DGKB: variants seen among roughly 807,000 people sequenced by gnomAD.
The protein encoded by DGKB is diacylglycerol kinase beta.
Under a neutral mutation model 114.3 loss-of-function variants are expected in DGKB, and 67 were observed. The observed-to-expected ratio is 0.59, with a 90% CI of 0.48 to 0.72. The LOEUF is 0.72. Ranked by LOEUF, DGKB falls within the 30% of genes least tolerant of loss-of-function variation. The pLI is 0.00. For synonymous variants in DGKB, 398 were observed against 323.1 expected, an observed-to-expected ratio of 1.23 and a Z score of -2.49; for missense variants, 907 against 975.2, an observed-to-expected ratio of 0.93 and a Z score of 0.93.
chr7:14,427,575 A>C (rs1170733911), intron 21 of DGKB, among the ~76,000 whole-genome samples: 2 of 152,224 alleles, frequency 1.3e-5, no homozygotes, highest in East Asian at 3.9e-4. Flanking sequence ...CATATCTGAG[A>C]CAGGGTGATT....
At chr7:14,867,444 T>A (rs534245682) in intron 1 of DGKB, among the ~76,000 whole-genome samples, 1 of 151,704 alleles carries the variant, frequency 6.6e-6, no homozygotes, top group East Asian at 2.0e-4. Context: ...TTTTTTTTTT[T>A]AAATGTGGAT....
chr7:14,335,968 T>A (rs1016057828), intron 23 of DGKB, among the ~76,000 whole-genome samples: 3 of 152,274 alleles, frequency 2.0e-5, no homozygotes, highest in Non-Finnish European at 1.5e-5. Context: ...GGGCTTGAAC[T>A]CCCTGCTTCA....
chr7:14,242,156 G>C (rs1190240006), intron 23 of DGKB, among the ~76,000 whole-genome samples: 1 of 152,128 alleles, frequency 6.6e-6, no homozygotes, highest in Non-Finnish European at 1.5e-5. Context: ...TCCCTGACCT[G>C]CCTACAGGCT....
At chr7:14,691,146 A>G (rs997597876) in intron 9 of DGKB, among the ~76,000 whole-genome samples, 2 of 152,230 alleles carry the variant, frequency 1.3e-5, no homozygotes, top group African/African-American at 4.8e-5. Flanking sequence ...GGAGAAAAAT[A>G]AATTGCATTG....
chr7:14,743,438 T>G (rs1832838844), intron 4 of DGKB, among the ~76,000 whole-genome samples: 1 of 152,118 alleles, frequency 6.6e-6, no homozygotes, highest in African/African-American at 2.4e-5. Context: ...TATTTCAAAT[T>G]ATCAAGTGTT....
intron 9 of DGKB, among the ~76,000 whole-genome samples, chr7:14,690,991 T>C (rs904559608): frequency 1.3e-5 from 2 of 152,182 alleles, no homozygotes; most frequent in Non-Finnish European, 2.9e-5. Flanking sequence ...TTTTGTAAAG[T>C]TTGTAGAGCC....
chr7:14,150,246 A>G (rs1781993135), intron 25 of DGKB, among the ~76,000 whole-genome samples: 1 of 152,128 alleles, frequency 6.6e-6, no homozygotes, highest in African/African-American at 2.4e-5. Flanking sequence ...TGTCACCTGC[A>G]CAGCATTCGC....
intron 20 of DGKB, among the ~76,000 whole-genome samples, chr7:14,486,062 T>C (rs544932027): frequency 6.6e-6 from 1 of 152,280 alleles, no homozygotes; most frequent in East Asian, 1.9e-4. Flanking sequence ...ACTTCATTCT[T>C]TTTTTTAAAA....
intron 1 of DGKB, among the ~76,000 whole-genome samples, chr7:14,928,793 C>A (rs927627306): frequency 6.6e-6 from 1 of 151,476 alleles, no homozygotes; most frequent in Admixed American, 6.6e-5. Context: ...TATATTGTAC[C>A]GATTAAGTAA....
chr7:14,688,387 C>T lies in DGKB; in HGVS notation c.712-3025G>A, dbSNP rs142422289. Among the ~76,000 whole-genome samples, 727 of 152,208 alleles carry T rather than the reference C, an allele frequency of 4.8e-3. 2 individuals are homozygous for T. The highest frequency in any genetic ancestry group is 7.4e-3 in the Non-Finnish European group (500 of 68,018). ...TCCTCTCGAATGAAAGGAAAATACC[C>T]ACTTCCCTTTTCCAGGCCGTGGTGT... On this transcript the variant is annotated intron_variant, in intron 9 of 25. Coordinates refer to ENST00000402815, the MANE Select transcript of DGKB (RefSeq NM_001350709.2).
intron 1 of DGKB, among the ~76,000 whole-genome samples, chr7:14,943,334 G>GA (rs75511038): frequency 0.11 from 16,155 of 151,450 alleles, 1,863 homozygotes; most frequent in East Asian, 0.59. Context: ...TATGCCATAA[G>GA]AAAAAAACCT....
At chr7:14,214,801 T>A (rs1159884371) in intron 23 of DGKB, among the ~76,000 whole-genome samples, 5 of 152,148 alleles carry the variant, frequency 3.3e-5, no homozygotes, top group Admixed American at 2.6e-4. Context: ...ACAGCTTCTT[T>A]GTCATCACCT....
chr7:14,314,438 G>C (rs1195514505), intron 23 of DGKB, among the ~76,000 whole-genome samples: 1 of 151,716 alleles, frequency 6.6e-6, no homozygotes, highest in Non-Finnish European at 1.5e-5. Flanking sequence ...AGTGCTTAAA[G>C]GAGCTGATGG....
At chr7:14,419,098 C>G (rs537390030) in intron 21 of DGKB, among the ~76,000 whole-genome samples, 3 of 151,662 alleles carry the variant, frequency 2.0e-5, no homozygotes, top group African/African-American at 7.3e-5. Context: ...TCTGGGACAG[C>G]GGAATGTTTG....
intron 23 of DGKB, among the ~76,000 whole-genome samples, chr7:14,205,720 C>T (rs1223274620): frequency 1.3e-5 from 2 of 151,876 alleles, no homozygotes; most frequent in African/African-American, 4.8e-5. Flanking sequence ...ATTTCTGGCC[C>T]CACAAGGCAT....
chr7:14,250,760 T>G (rs1795118165), intron 23 of DGKB, among the ~76,000 whole-genome samples: 1 of 152,162 alleles, frequency 6.6e-6, no homozygotes, highest in Non-Finnish European at 1.5e-5. Flanking sequence ...GCATTGTGGT[T>G]TATTTCTCCT....
At chr7:14,644,796 C>T (rs527574847) in intron 13 of DGKB, among the ~76,000 whole-genome samples, 1 of 152,250 alleles carries the variant, frequency 6.6e-6, no homozygotes. Flanking sequence ...TAAAATAATA[C>T]TTGAAAATAT....
chr7:14,603,440 A>G (rs1311259015), intron 17 of DGKB, among the ~76,000 whole-genome samples: 1 of 152,106 alleles, frequency 6.6e-6, no homozygotes, highest in Non-Finnish European at 1.5e-5. Context: ...CATATGTAAA[A>G]GGTCATAAGC....
At position 14,818,232 on chromosome 7, in the gene DGKB, C is replaced by G. The variant is rs139042811; in HGVS notation, c.70+22962G>C. On this transcript the variant is annotated intron_variant, in intron 2 of 25. Coordinates refer to ENST00000402815, the MANE Select transcript of DGKB (RefSeq NM_001350709.2). ...CAAGGGCCATTGAATAATCCTCCTA[C>G]AAGTGACCATTGAAAGTAGTTTAAA... Among the ~76,000 whole-genome samples the G allele has an allele frequency of 9.7e-3, 1,477 of 152,278 alleles. 15 individuals are homozygous for G. Among genetic ancestry groups the G allele is most frequent in the Non-Finnish European group, 0.017 (1,136 of 68,016 alleles).
Sources: allele counts gnomAD v4.1 joint callset (sites outside exome capture counted in the v4.1 genomes callset), GRCh38; gene constraint gnomAD v4.1.1; transcripts MANE v1.5; gene names NCBI Gene and HGNC (gene_info 2026-07-23, HGNC 2026-07-21).